The following PPM1G variants were observed in gnomAD, a reference collection of about 807,000 sequenced individuals.
PPM1G encodes protein phosphatase 1G.
Under a neutral mutation model 59.4 loss-of-function variants are expected in PPM1G, and 12 were observed. That is an observed-to-expected ratio of 0.20 (90% CI 0.13 to 0.33). The LOEUF is 0.33. Ranked by LOEUF, PPM1G falls within the 10% of genes least tolerant of loss-of-function variation. The probability of loss-of-function intolerance (pLI) is 1.00; values close to 1 mark genes in which losing one functional copy is unlikely to be tolerated. For synonymous variants in PPM1G, 245 were observed against 251.9 expected, an observed-to-expected ratio of 0.97 and a Z score of 0.26; for missense variants, 392 against 681.3, an observed-to-expected ratio of 0.58 and a Z score of 4.73.
At chr2:27,394,663 G>A (rs1158309888) in intron 1 of PPM1G, among the ~76,000 whole-genome samples, 4 of 150,612 alleles carry the variant, frequency 2.7e-5, no homozygotes, top group Admixed American at 6.6e-5. Flanking sequence ...CCCGGGAGGC[G>A]GACCAGGAGG....
intron 1 of PPM1G, among the ~76,000 whole-genome samples, chr2:27,400,136 C>T (rs1056770062): frequency 2.0e-5 from 3 of 152,142 alleles, no homozygotes; most frequent in Non-Finnish European, 4.4e-5. Flanking sequence ...GTGGTTCATG[C>T]CTGTAATCCC....
At chr2:27,386,786 C>T in intron 2 of PPM1G, 1 of 212,690 alleles carries the variant, frequency 4.7e-6, no homozygotes, top group Admixed American at 5.4e-5. Context: ...AACTCCTGAC[C>T]TCGTGATCCA....
chr2:27,381,910 G>T, intron 9 of PPM1G, 105 bp from the exon 10 acceptor site: 1 of 1,198,858 alleles, frequency 8.3e-7, no homozygotes, highest in Non-Finnish European at 1.2e-6. Context: ...GGTAGGAGAG[G>T]AATGGGCAAG....
At chr2:27,386,899 G>C (rs539376164) in intron 2 of PPM1G, 190 bp downstream of exon 2, 20 of 503,708 alleles carry the variant, frequency 4.0e-5, no homozygotes, top group Non-Finnish European at 5.3e-5. Context: ...AACAAGTCCT[G>C]GTGAGATTAT....
rs1683626869 is a variant in PPM1G at position 27,381,504 on chromosome 2, T to C, written c.*95A>G. On this transcript the variant is annotated 3_prime_UTR_variant, in exon 10 of 10. Coordinates refer to ENST00000344034, the MANE Select transcript of PPM1G (RefSeq NM_177983.3). ...CACCCAGCTCCCCCTGCACACCTCA[T>C]ACCCACTGCTAAGGCTAAAGGAAAA... The C allele has an allele frequency of 6.9e-7, 1 of 1,440,362 alleles. No individual in the cohort carries two copies. The highest frequency in any genetic ancestry group is 1.4e-5 in the African/African-American group (1 of 71,492). 89.2% of individuals were successfully genotyped at this position (1,440,362 alleles called of 1,614,324 possible). A position where few individuals can be genotyped will look rare whatever the true frequency, so the allele number is the denominator to read the frequency against.
chr2:27,387,980 A>C (rs1683809453), intron 1 of PPM1G, among the ~76,000 whole-genome samples: 1 of 151,868 alleles, frequency 6.6e-6, no homozygotes, highest in Non-Finnish European at 1.5e-5. Flanking sequence ...TTGTATTTTT[A>C]GTAGAGACGG....
At chr2:27,409,006 G>C (rs900667384) in intron 1 of PPM1G, among the ~76,000 whole-genome samples, 1 of 152,220 alleles carries the variant, frequency 6.6e-6, no homozygotes, top group African/African-American at 2.4e-5. Flanking sequence ...AGCCTGGAGG[G>C]CTAGGTTGGC....
At chr2:27,388,408 CTAAATAAA>C (rs747765635) in intron 1 of PPM1G, among the ~76,000 whole-genome samples, 2 of 151,588 alleles carry the variant, frequency 1.3e-5, no homozygotes, top group Non-Finnish European at 2.9e-5. Context: ...GACTCCGTCT[CTAAATAAA>C]TAAATAAATA....
At chr2:27,387,231 A>C in intron 1 of PPM1G, 73 bp from the exon 2 acceptor site, 2 of 1,250,680 alleles carry the variant, frequency 1.6e-6, no homozygotes, top group Non-Finnish European at 2.3e-6. Context: ...GATCAATGTC[A>C]CCCCTTACTA....
At position 27,383,667 on chromosome 2, in the gene PPM1G, A is replaced by C; in HGVS notation, c.967-67T>G. The C allele has an allele frequency of 6.9e-7, 1 of 1,442,094 alleles. No individual in the cohort carries two copies. Among genetic ancestry groups the C allele is most frequent in the Admixed American group, 2.0e-5 (1 of 49,088 alleles). 89.3% of individuals were successfully genotyped at this position (1,442,094 alleles called of 1,614,324 possible). On this transcript the variant is annotated intron_variant, in intron 6 of 9. Coordinates refer to ENST00000344034, the MANE Select transcript of PPM1G (RefSeq NM_177983.3). This position sits in a 1 kb window ranked among gnomAD's most constrained non-coding sequence, Gnocchi z 5.0. Reference sequence around the variant, plus strand: ...TGCGTTCCTCACTGATGTGCTCCTGATCGTTCACCTATGCTTGCTTTCACT... The same window carrying C: ...TGCGTTCCTCACTGATGTGCTCCTGCTCGTTCACCTATGCTTGCTTTCACT...
At chr2:27,391,558 T>C (rs1683903323) in intron 1 of PPM1G, among the ~76,000 whole-genome samples, 1 of 152,166 alleles carries the variant, frequency 6.6e-6, no homozygotes, top group Non-Finnish European at 1.5e-5. Context: ...CTTATAGATT[T>C]TGGATATTAG....
intron 1 of PPM1G, among the ~76,000 whole-genome samples, chr2:27,399,077 T>C (rs567363719): frequency 4.0e-5 from 6 of 151,780 alleles, no homozygotes; most frequent in African/African-American, 9.7e-5. Context: ...GAGGCAGAGG[T>C]TGCAGTGAAC....
At chr2:27,397,779 G>A (rs540103150) in intron 1 of PPM1G, among the ~76,000 whole-genome samples, 8 of 152,222 alleles carry the variant, frequency 5.3e-5, no homozygotes, top group South Asian at 2.1e-4. Context: ...TGAGGCAGGC[G>A]GATCTCTTGA....
At chr2:27,393,868 T>C (rs1683979505) in intron 1 of PPM1G, among the ~76,000 whole-genome samples, 1 of 152,164 alleles carries the variant, frequency 6.6e-6, no homozygotes, top group Admixed American at 6.5e-5. Flanking sequence ...GTTCACGCCA[T>C]TCTCCCGTCT....
chr2:27,384,145 C>T lies in PPM1G; in HGVS notation c.826-53G>A, dbSNP rs1683706937. The T allele has an allele frequency of 6.2e-7, 1 of 1,611,616 alleles. No homozygotes were observed. Among genetic ancestry groups the T allele is most frequent in the East Asian group, 2.2e-5 (1 of 44,866 alleles). ...GAGACTGGGATGATCCCCTCCCTCC[C>T]CACAGCTCATACTCAGAATCAAGAG... On this transcript the variant is annotated intron_variant, in intron 5 of 9. Transcript: ENST00000344034. The surrounding 1 kb of genome is among the most constrained non-coding windows in gnomAD (Gnocchi z 4.8).
Position 27,409,490 on chromosome 2 carries a change from C to CG in PPM1G, c.-69dup. 1.5e-5 allele frequency: 21 copies of CG among 1,380,796 alleles called. No homozygotes were observed. The highest frequency in any genetic ancestry group is 1.7e-5 in the Non-Finnish European group (18 of 1,071,510). 85.5% of individuals were successfully genotyped at this position (1,380,796 alleles called of 1,614,324 possible). A position where few individuals can be genotyped will look rare whatever the true frequency, so the allele number is the denominator to read the frequency against. The stretch of plus-strand genomic sequence containing the variant: ...GCGACCCGTGCCGGAGCCGAAGCCC[C>CG]GGGGGTGCGCGCGGCAGGAGCAGGC... On this transcript the variant is annotated 5_prime_UTR_variant, in exon 1 of 10. Transcript: ENST00000344034.
At chr2:27,393,054 TC>T (rs1291851557) in intron 1 of PPM1G, 1 of 1,298,904 alleles carries the variant, frequency 7.7e-7, no homozygotes. Context: ...CCAAATGTAA[TC>T]CATCGCATTC....
chr2:27,386,129 C>T, intron 3 of PPM1G, 65 bp downstream of exon 3: 3 of 1,461,864 alleles, frequency 2.1e-6, no homozygotes, highest in Non-Finnish European at 2.9e-6. Flanking sequence ...AAGGAAAAGC[C>T]CAAGGGCTAG....
chr2:27,387,784 C>CTTTA (rs1009238639), intron 1 of PPM1G, among the ~76,000 whole-genome samples: 35 of 151,890 alleles, frequency 2.3e-4, no homozygotes, highest in African/African-American at 4.8e-4. Context: ...CTGTACACAG[C>CTTTA]TTTATTTATT....
Sources: allele counts gnomAD v4.1 joint callset (sites outside exome capture counted in the v4.1 genomes callset), GRCh38; gene constraint gnomAD v4.1.1; non-coding constraint Gnocchi (gnomAD v3.1); transcripts MANE v1.5; gene names NCBI Gene and HGNC (gene_info 2026-07-23, HGNC 2026-07-21).